Variants in WWTR1 observed in about 807,000 individuals in gnomAD.
WWTR1 encodes the protein WW domain-containing transcription regulator protein 1.
In WWTR1, 13 loss-of-function variants were observed where a neutral mutation model predicts 40.1. That is an observed-to-expected ratio of 0.32 (90% CI 0.21 to 0.52). The LOEUF (loss-of-function observed/expected upper bound fraction) is 0.52, where lower values mean the gene tolerates loss of function less well. Among genes scored for constraint, WWTR1 ranks in the 20% least tolerant of loss-of-function variants. The pLI is 0.97. For synonymous variants in WWTR1, 230 were observed against 210.1 expected, an observed-to-expected ratio of 1.09 and a Z score of -0.82; for missense variants, 436 against 523.1, an observed-to-expected ratio of 0.83 and a Z score of 1.63.
chr3:149,642,479 T>C (rs1712228623), intron 2 of WWTR1, among the ~76,000 whole-genome samples: 1 of 147,972 alleles, frequency 6.8e-6, no homozygotes, highest in African/African-American at 2.5e-5. Flanking sequence ...TGATATAATT[T>C]TGTAAGAGAA....
Position 149,519,203 on chromosome 3 carries a change from C to T in WWTR1, c.*1602G>A, listed in dbSNP as rs998885101. The T allele has an allele frequency of 6.6e-6, 1 of 152,180 alleles. No individual in the cohort carries two copies. Among genetic ancestry groups the T allele is most frequent in the African/African-American group, 2.4e-5 (1 of 41,448 alleles). 9.4% of individuals were successfully genotyped at this position (152,180 alleles called of 1,614,324 possible). A position where few individuals can be genotyped will look rare whatever the true frequency, so the allele number is the denominator to read the frequency against. On this transcript the variant is annotated 3_prime_UTR_variant, in exon 7 of 7. Coordinates refer to ENST00000360632, the MANE Select transcript of WWTR1 (RefSeq NM_015472.6). ...CTGCATGCCAGTTGAACATGATGCT[C>T]TCTCAGTCCTTAAAAGCTAATTAAA... is the stretch of plus-strand genomic sequence containing the variant.
intron 1 of WWTR1, among the ~76,000 whole-genome samples, chr3:149,692,385 G>C (rs551244027): frequency 6.6e-6 from 1 of 152,090 alleles, no homozygotes; most frequent in Non-Finnish European, 1.5e-5. Context: ...CATATCAACA[G>C]AAGATAAAAA....
At chr3:149,581,344 A>AT (rs1321726853) in intron 2 of WWTR1, among the ~76,000 whole-genome samples, 2 of 150,436 alleles carry the variant, frequency 1.3e-5, no homozygotes, top group Non-Finnish European at 3.0e-5. Context: ...CCCCAAAGCT[A>AT]TTAAAAAAAA....
At chr3:149,529,777 C>T (rs1242359898) in intron 4 of WWTR1, among the ~76,000 whole-genome samples, 1 of 152,096 alleles carries the variant, frequency 6.6e-6, no homozygotes, top group Non-Finnish European at 1.5e-5. Flanking sequence ...CCACCAGTCC[C>T]CATCCCTCAA....
At chr3:149,705,434 T>A (rs1715307088), upstream of WWTR1, among the ~76,000 whole-genome samples, 2 of 152,180 alleles carry the variant, frequency 1.3e-5, 1 homozygote, top group South Asian at 4.1e-4. Context: ...CAGAAAACAA[T>A]ATGAGATAGT....
intron 3 of WWTR1, among the ~76,000 whole-genome samples, chr3:149,550,839 C>T (rs1393614827): frequency 2.7e-5 from 4 of 145,474 alleles, no homozygotes; most frequent in Non-Finnish European, 4.5e-5. Context: ...GCTTAACTTC[C>T]GTATCAGTTT....
At chr3:149,637,701 G>A (rs1214033990) in intron 2 of WWTR1, among the ~76,000 whole-genome samples, 1 of 152,190 alleles carries the variant, frequency 6.6e-6, no homozygotes, top group African/African-American at 2.4e-5. Flanking sequence ...ATGGACAGTA[G>A]AAAAGATTAA....
chr3:149,593,002 C>A (rs1467051118), intron 2 of WWTR1, among the ~76,000 whole-genome samples: 1 of 152,158 alleles, frequency 6.6e-6, no homozygotes, highest in African/African-American at 2.4e-5. Flanking sequence ...CTAAAAAAAA[C>A]TCCAGGCACA....
At chr3:149,594,370 T>A (rs1440665917) in intron 2 of WWTR1, among the ~76,000 whole-genome samples, 1 of 152,142 alleles carries the variant, frequency 6.6e-6, no homozygotes, top group Non-Finnish European at 1.5e-5. Context: ...AATATTTGGT[T>A]TGAGCAAGCC....
At chr3:149,591,891 A>G (rs1375531198) in intron 2 of WWTR1, among the ~76,000 whole-genome samples, 3 of 152,108 alleles carry the variant, frequency 2.0e-5, no homozygotes, top group Non-Finnish European at 1.5e-5. Context: ...ACATTGCGGG[A>G]GGGGGTAGGA....
At chr3:149,637,190 C>A (rs2108119308) in intron 2 of WWTR1, among the ~76,000 whole-genome samples, 1 of 151,636 alleles carries the variant, frequency 6.6e-6, no homozygotes, top group East Asian at 1.9e-4. Context: ...CCTGTGACCA[C>A]CCAGTCACAT....
intron 4 of WWTR1, among the ~76,000 whole-genome samples, chr3:149,533,032 C>A (rs16861946): frequency 1.3e-5 from 2 of 152,178 alleles, no homozygotes; most frequent in African/African-American, 2.4e-5. Flanking sequence ...TCCCTCTAGT[C>A]GAGGCAGGAA....
intron 1 of WWTR1, among the ~76,000 whole-genome samples, chr3:149,689,407 G>GA (rs1714750621): frequency 3.8e-5 from 3 of 79,494 alleles, no homozygotes; most frequent in Admixed American, 1.3e-4. Context: ...AAAAAGCAAA[G>GA]AAGACAGAAA....
chr3:149,634,346 AAAGT>A (rs1222235799), intron 2 of WWTR1, among the ~76,000 whole-genome samples: 1 of 152,238 alleles, frequency 6.6e-6, no homozygotes, highest in Non-Finnish European at 1.5e-5. Context: ...TGCCTGGCAC[AAAGT>A]AAGTGCTAGG....
chr3:149,560,339 A>C (rs928953245), intron 3 of WWTR1, among the ~76,000 whole-genome samples: 48 of 152,346 alleles, frequency 3.2e-4, no homozygotes, highest in African/African-American at 1.2e-3. Flanking sequence ...CAAAGAAGAC[A>C]TGCTGAGGAT....
chr3:149,651,379 A>G (rs1712854268), intron 2 of WWTR1, among the ~76,000 whole-genome samples: 1 of 152,208 alleles, frequency 6.6e-6, no homozygotes, highest in African/African-American at 2.4e-5. Context: ...CAGCCATGGA[A>G]AGAAGTTCCA....
At chr3:149,714,179 G>A (rs1715542857) in intron 5 of WWTR1, among the ~76,000 whole-genome samples, 1 of 152,238 alleles carries the variant, frequency 6.6e-6, no homozygotes, top group South Asian at 2.1e-4. Flanking sequence ...CCGGGAGCAG[G>A]CAGCAGCCTG....
chr3:149,582,021 G>A (rs1738171885), intron 2 of WWTR1, among the ~76,000 whole-genome samples: 1 of 151,838 alleles, frequency 6.6e-6, no homozygotes, highest in Non-Finnish European at 1.5e-5. Context: ...TCCCTGGGGT[G>A]GGAAAAAAAA....
upstream of WWTR1, chr3:149,661,158 T>G (rs1713555773): frequency 6.6e-6 from 1 of 152,108 alleles, no homozygotes; most frequent in Admixed American, 6.6e-5. Context: ...ATAAACCACA[T>G]GGAGAAGGAA....
Sources: gnomAD v4.1 joint callset for allele counts (sites outside exome capture counted in the v4.1 genomes callset) on GRCh38, gnomAD v4.1.1 for gene constraint, MANE v1.5 for transcripts, NCBI Gene and HGNC (gene_info 2026-07-23, HGNC 2026-07-21) for gene names.